Variants in GAB2 observed in about 807,000 individuals in gnomAD.
GAB2 encodes GRB2-associated-binding protein 2.
A neutral mutation model predicts 65.5 loss-of-function variants in GAB2; 26 were observed. That is an observed-to-expected ratio of 0.40 (90% CI 0.29 to 0.55). The LOEUF is 0.55. Ranked by LOEUF, GAB2 falls within the 20% of genes least tolerant of loss-of-function variation. The pLI is 0.53. For missense variants in GAB2, 884 were observed against 875.8 expected, an observed-to-expected ratio of 1.01 and a Z score of -0.12; for synonymous variants, 321 against 329.6, an observed-to-expected ratio of 0.97 and a Z score of 0.28.
intron 3 of GAB2, among the ~76,000 whole-genome samples, chr11:78,233,216 G>A (rs944773310): frequency 6.6e-6 from 1 of 151,964 alleles, no homozygotes; most frequent in Non-Finnish European, 1.5e-5. Context: ...ATTGTTTTTG[G>A]TAGAGATGGG....
At chr11:78,295,139 T>C (rs1866792351) in intron 1 of GAB2, among the ~76,000 whole-genome samples, 1 of 152,238 alleles carries the variant, frequency 6.6e-6, no homozygotes, top group Admixed American at 6.5e-5. Flanking sequence ...GAAAAAATGC[T>C]CATCATCACT....
chr11:78,391,645 G>C (rs1428342074), intron 1 of GAB2, among the ~76,000 whole-genome samples: 2 of 152,178 alleles, frequency 1.3e-5, no homozygotes, highest in Non-Finnish European at 2.9e-5. Flanking sequence ...GAGCCTTTGA[G>C]TCATCCCAGC....
intron 1 of GAB2, among the ~76,000 whole-genome samples, chr11:78,378,456 A>G (rs1294109860): frequency 1.3e-5 from 2 of 152,220 alleles, no homozygotes. Context: ...AAAAGTCCTT[A>G]AAACATGAAT....
chr11:78,246,871 T>A (rs766729975), intron 3 of GAB2, among the ~76,000 whole-genome samples: 2 of 151,956 alleles, frequency 1.3e-5, no homozygotes, highest in African/African-American at 4.9e-5. Flanking sequence ...CTCCTGTGTA[T>A]GGTAGTTCAA....
rs1864268372 is a variant in GAB2, at chr11:78,218,731, C to T, written c.*541G>A. The T allele has an allele frequency of 6.5e-6, 1 of 153,332 alleles. No individual in the cohort carries two copies. Among genetic ancestry groups the T allele is most frequent in the Non-Finnish European group, 1.5e-5 (1 of 68,514 alleles). 9.5% of individuals were successfully genotyped at this position (153,332 alleles called of 1,614,324 possible). A position where few individuals can be genotyped will look rare whatever the true frequency, so the allele number is the denominator to read the frequency against. On this transcript the variant is annotated 3_prime_UTR_variant, in exon 10 of 10. Coordinates refer to ENST00000361507, the MANE Select transcript of GAB2 (RefSeq NM_080491.3). ...TGCTGAGCCTCCGTCTCCACCATCT[C>T]CTCTTTTAGTGGCCTTGCTTCTCTC...
intron 1 of GAB2, among the ~76,000 whole-genome samples, chr11:78,349,966 G>A (rs1856250673): frequency 6.6e-6 from 1 of 152,040 alleles, no homozygotes; most frequent in African/African-American, 2.4e-5. Flanking sequence ...CAATCAAGAG[G>A]TTCTGTAATA....
At chr11:78,247,604 A>G (rs753273483) in intron 3 of GAB2, among the ~76,000 whole-genome samples, 6 of 152,210 alleles carry the variant, frequency 3.9e-5, no homozygotes, top group Admixed American at 1.3e-4. Flanking sequence ...TTGGAACATC[A>G]TAGGAAAAGC....
chr11:78,264,329 G>A (rs1865815776), intron 2 of GAB2, among the ~76,000 whole-genome samples: 1 of 151,466 alleles, frequency 6.6e-6, no homozygotes, highest in Non-Finnish European at 1.5e-5. Context: ...GATCTAGGAT[G>A]GCTTTTGTTA....
chr11:78,262,841 A>C (rs1228537917), intron 2 of GAB2, among the ~76,000 whole-genome samples: 1 of 152,242 alleles, frequency 6.6e-6, no homozygotes, highest in East Asian at 1.9e-4. Context: ...CTGCCAAAGC[A>C]TATTATTACA....
chr11:78,290,122 G>T (rs1399026197), intron 1 of GAB2, among the ~76,000 whole-genome samples: 2 of 152,094 alleles, frequency 1.3e-5, no homozygotes, highest in Admixed American at 6.6e-5. Context: ...AAAAATAAGA[G>T]ACAAGAAAAC....
intron 1 of GAB2, among the ~76,000 whole-genome samples, chr11:78,361,900 A>G (rs570555986): frequency 6.6e-6 from 1 of 152,316 alleles, no homozygotes; most frequent in African/African-American, 2.4e-5. Context: ...ACAATGACAT[A>G]TGTGCATTTT....
intron 1 of GAB2, among the ~76,000 whole-genome samples, chr11:78,371,747 G>T (rs1371557955): frequency 6.6e-6 from 1 of 152,132 alleles, no homozygotes; most frequent in African/African-American, 2.4e-5. Context: ...CTTTTCATAA[G>T]ACCATTAGTA....
At chr11:78,300,627 C>G (rs1214941567) in intron 1 of GAB2, among the ~76,000 whole-genome samples, 1 of 148,204 alleles carries the variant, frequency 6.7e-6, no homozygotes, top group African/African-American at 2.5e-5. Flanking sequence ...AAGACTTGGT[C>G]ATTATGGCGA....
At chr11:78,322,932 T>C (rs565337527) in intron 1 of GAB2, among the ~76,000 whole-genome samples, 3 of 152,094 alleles carry the variant, frequency 2.0e-5, no homozygotes, top group African/African-American at 4.8e-5. Context: ...AGACTAAAAA[T>C]AGAACTACCA....
At chr11:78,248,264 T>C (rs1865351132) in intron 3 of GAB2, among the ~76,000 whole-genome samples, 1 of 152,140 alleles carries the variant, frequency 6.6e-6, no homozygotes, top group Admixed American at 6.6e-5. Flanking sequence ...CCCTAAAGGC[T>C]AATTCAAGCA....
chr11:78,265,112 C>T (rs1262188544), intron 2 of GAB2, among the ~76,000 whole-genome samples: 1 of 151,514 alleles, frequency 6.6e-6, no homozygotes, highest in Non-Finnish European at 1.5e-5. Flanking sequence ...TTTACTTATC[C>T]AAGACCACGT....
intron 1 of GAB2, among the ~76,000 whole-genome samples, chr11:78,312,019 C>T (rs58114426): frequency 0.015 from 2,269 of 152,098 alleles, 62 homozygotes; most frequent in African/African-American, 0.052. Flanking sequence ...CTGCAAATTA[C>T]GAAGAATACC....
intron 2 of GAB2, among the ~76,000 whole-genome samples, chr11:78,273,416 T>C (rs1866075572): frequency 6.8e-6 from 1 of 146,816 alleles, no homozygotes; most frequent in South Asian, 2.3e-4. Context: ...AAGGAGATCA[T>C]TTTGGAGCTT....
At chr11:78,318,065 G>C (rs566044762) in intron 1 of GAB2, 2 of 152,166 alleles carry the variant, frequency 1.3e-5, no homozygotes, top group Non-Finnish European at 2.9e-5. Flanking sequence ...TCCTGATTTA[G>C]GGGAAAATAA....
Sources: allele counts gnomAD v4.1 joint callset (sites outside exome capture counted in the v4.1 genomes callset), GRCh38; gene constraint gnomAD v4.1.1; transcripts MANE v1.5; gene names NCBI Gene and HGNC (gene_info 2026-07-23, HGNC 2026-07-21).